Variants in ABHD6 observed in about 807,000 individuals in gnomAD.
ABHD6 encodes abhydrolase domain containing 6, acylglycerol lipase.
Under a neutral mutation model 38.8 loss-of-function variants are expected in ABHD6, and 33 were observed. That is an observed-to-expected ratio of 0.85 (90% CI 0.64 to 1.14). The LOEUF (loss-of-function observed/expected upper bound fraction) is 1.14. Ranked by LOEUF, ABHD6 falls within the 50% of genes most tolerant of loss-of-function variation. The pLI is 0.00. For missense variants in ABHD6, 380 were observed against 422.6 expected (o/e 0.90, Z 0.88); for synonymous variants, 147 against 161.6 (o/e 0.91, Z 0.69).
chr3:58,290,605 G>A (rs2097461752), intron 9 of ABHD6, among the ~76,000 whole-genome samples: 1 of 144,530 alleles, frequency 6.9e-6, no homozygotes, highest in Admixed American at 6.8e-5. Flanking sequence ...GGGCGGAGGG[G>A]CTCCTCACTT....
rs142141043 is a variant in ABHD6, at chr3:58,252,100, G to A, written c.-26+2158G>A. On this transcript the variant is annotated intron_variant, in intron 2 of 9. Transcript: ENST00000478253. ...ATGGAGAGGGCCAGCTGCCACACTG[G>A]TGCCCCCAGCCTGGTGCCATCCATT... 8.2e-3 allele frequency among the ~76,000 whole-genome samples: 1,253 copies of A among 152,264 alleles called. 11 individuals are homozygous for A. Among genetic ancestry groups the A allele is most frequent in the South Asian group, 0.023 (111 of 4,824 alleles).
At chr3:58,289,887 G>A (rs1165555803) in intron 9 of ABHD6, among the ~76,000 whole-genome samples, 19 of 139,998 alleles carry the variant, frequency 1.4e-4, no homozygotes, top group African/African-American at 3.4e-4. Context: ...CCTCCCTCCC[G>A]GACGGGGTGG....
intron 3 of ABHD6, chr3:58,258,314 A>T (rs1292411808): frequency 9.7e-6 from 4 of 410,724 alleles, no homozygotes; most frequent in African/African-American, 8.4e-5. Flanking sequence ...TCTCAAAAAA[A>T]AATATGTATA....
At chr3:58,258,383 C>T (rs1164457521) in intron 3 of ABHD6, 1 of 441,482 alleles carries the variant, frequency 2.3e-6, no homozygotes, top group Non-Finnish European at 4.6e-6. Flanking sequence ...AATTGTATCT[C>T]CTTTTACTTT....
chr3:58,241,398 C>T (rs895101739), intron 1 of ABHD6, among the ~76,000 whole-genome samples: 1 of 152,166 alleles, frequency 6.6e-6, no homozygotes, highest in Admixed American at 6.6e-5. Context: ...TCATGAGCTT[C>T]TGTGCGGCTC....
In ABHD6 at chr3:58,249,933, T is replaced by C. The variant is rs891449050; in HGVS notation, c.-35T>C. ...TAGCAGTTGGGAAAGAAGGCTGTGC[T>C]CTTTGAAGAGTGAGTATGGATTTTA... On this transcript the variant is annotated 5_prime_UTR_variant, in exon 2 of 10. Coordinates refer to ENST00000478253, the MANE Select transcript of ABHD6 (RefSeq NM_001320126.2). 1.2e-4 allele frequency: 19 copies of C among 152,342 alleles called. No homozygotes were observed. The highest frequency in any genetic ancestry group is 4.3e-4 in the African/African-American group (18 of 41,574). The allele number at this position is 152,342 out of a possible 1,614,324, so 9.4% of individuals were successfully genotyped here. A position where few individuals can be genotyped will look rare whatever the true frequency, so the allele number is the denominator to read the frequency against.
intron 6 of ABHD6, among the ~76,000 whole-genome samples, chr3:58,271,519 C>A (rs1245028432): frequency 6.6e-6 from 1 of 151,978 alleles, no homozygotes; most frequent in Non-Finnish European, 1.5e-5. Context: ...AATTATGCCC[C>A]TCTCCTTTTT....
chr3:58,258,074 G>A (rs1018459166), intron 3 of ABHD6, among the ~76,000 whole-genome samples: 1 of 152,114 alleles, frequency 6.6e-6, no homozygotes, highest in South Asian at 2.1e-4. Context: ...TTGGGAGGCC[G>A]AGGCAGGCAG....
chr3:58,241,996 A>G (rs11130618), intron 1 of ABHD6, among the ~76,000 whole-genome samples: 23,894 of 152,136 alleles, frequency 0.16, 2,979 homozygotes, highest in African/African-American at 0.35. Flanking sequence ...CAGGTTGTTG[A>G]GCTGCAAAAC....
chr3:58,275,125 C>T (rs777109009), intron 7 of ABHD6, among the ~76,000 whole-genome samples: 5 of 151,984 alleles, frequency 3.3e-5, no homozygotes, highest in African/African-American at 7.3e-5. Flanking sequence ...TGATTGAATA[C>T]GGGGAGGCAG....
intron 7 of ABHD6, among the ~76,000 whole-genome samples, chr3:58,275,516 A>G (rs537635146): frequency 4.1e-4 from 63 of 151,994 alleles, no homozygotes; most frequent in African/African-American, 1.5e-3. Flanking sequence ...TTTAGTAGAG[A>G]TGGGGTTTCA....
At chr3:58,270,716 A>T (rs1038254564) in intron 5 of ABHD6, among the ~76,000 whole-genome samples, 1 of 152,176 alleles carries the variant, frequency 6.6e-6, no homozygotes, top group East Asian at 1.9e-4. Context: ...TGTTGATTTT[A>T]TATTTATAAA....
intron 9 of ABHD6, among the ~76,000 whole-genome samples, chr3:58,286,862 A>ATG (rs1391822384): frequency 1.5e-3 from 181 of 122,770 alleles, no homozygotes; most frequent in South Asian, 3.1e-3. Context: ...GTATATATAT[A>ATG]TATATATGTA....
intron 1 of ABHD6, among the ~76,000 whole-genome samples, chr3:58,245,243 C>T (rs573116295): frequency 6.6e-6 from 1 of 152,310 alleles, no homozygotes; most frequent in East Asian, 1.9e-4. Flanking sequence ...CAGCTCATTG[C>T]AAACTCTGCC....
chr3:58,286,793 G>A (rs537281482), intron 9 of ABHD6, among the ~76,000 whole-genome samples: 26 of 141,550 alleles, frequency 1.8e-4, no homozygotes, highest in Non-Finnish European at 3.0e-4. Context: ...ATATATATAG[G>A]TGTGCATATA....
chr3:58,252,802 G>A (rs1221659899), intron 2 of ABHD6, among the ~76,000 whole-genome samples: 2 of 152,130 alleles, frequency 1.3e-5, no homozygotes, highest in Admixed American at 1.3e-4. Flanking sequence ...CCTCTCCCTG[G>A]GGTACATAGA....
At chr3:58,275,250 A>G (rs1440581480) in intron 7 of ABHD6, among the ~76,000 whole-genome samples, 1 of 151,912 alleles carries the variant, frequency 6.6e-6, no homozygotes. Context: ...AGAATGGTGA[A>G]GATGGAGTTA....
In ABHD6 at chr3:58,267,371, A is replaced by T. The variant is rs1426822530; in HGVS notation, c.276+26A>T. 5.0e-6 allele frequency: 8 copies of T among 1,613,302 alleles called. No homozygotes were observed. Among genetic ancestry groups the T allele is most frequent in the South Asian group, 1.1e-5 (1 of 91,042 alleles). ...GTGCAATTCTCGATTCTTCTCTCTT[A>T]TAAGAAAAGGGAGTTGGGTGCTGTG... On this transcript the variant is annotated intron_variant, in intron 4 of 9. Coordinates refer to ENST00000478253, the MANE Select transcript of ABHD6 (RefSeq NM_001320126.2). The surrounding 1 kb of genome is among the most constrained non-coding windows in gnomAD (Gnocchi z 4.3).
chr3:58,279,908 A>G (rs2097451790), intron 7 of ABHD6, among the ~76,000 whole-genome samples: 1 of 152,148 alleles, frequency 6.6e-6, no homozygotes, highest in Non-Finnish European at 1.5e-5. Context: ...AAGAATGTTG[A>G]ATATTAGCCC....
Sources: gnomAD v4.1 joint callset for allele counts (sites outside exome capture counted in the v4.1 genomes callset) on GRCh38, gnomAD v4.1.1 for gene constraint, Gnocchi (gnomAD v3.1) non-coding constraint, MANE v1.5 for transcripts, NCBI Gene and HGNC (gene_info 2026-07-23, HGNC 2026-07-21) for gene names.